PRL: variants seen among roughly 807,000 people sequenced by gnomAD.
PRL encodes decidual prolactin.
In PRL, 24 loss-of-function variants were observed where a neutral mutation model predicts 21.3. That is an observed-to-expected ratio of 1.13 (90% confidence interval 0.82 to 1.59). The LOEUF is 1.59. PRL is among the 40% of genes most tolerant of loss of function. The pLI is 0.00. For synonymous variants in PRL, 118 were observed against 115.7 expected (o/e 1.02, Z -0.13); for missense variants, 243 against 286.9 (o/e 0.85, Z 1.10).
intron 1 of PRL, among the ~76,000 whole-genome samples, chr6:22,295,147 T>A (rs369490486): frequency 1.3e-5 from 2 of 152,246 alleles, no homozygotes; most frequent in Non-Finnish European, 2.9e-5. Context: ...AGTTTAGATC[T>A]GCTAACTCGT....
rs541877120 is a variant in PRL, at chr6:22,293,902, C to G, written c.204+507G>C. On this transcript the variant is annotated intron_variant, in intron 2 of 4. Coordinates refer to ENST00000306482, the MANE Select transcript of PRL (RefSeq NM_000948.6). ...ATTATAAACCCATATACTGAAATCT[C>G]AGAGAAATGATTTCTAGCATTTTGG... 2.6e-5 allele frequency among the ~76,000 whole-genome samples: 4 copies of G among 152,290 alleles called. No homozygotes were observed. In the East Asian group the frequency reaches 7.7e-4, roughly 29 times the overall value.
At chr6:22,292,084 G>A (rs1376480084) in intron 3 of PRL, among the ~76,000 whole-genome samples, 2 of 152,212 alleles carry the variant, frequency 1.3e-5, no homozygotes, top group Non-Finnish European at 2.9e-5. Context: ...AACCAGAGTA[G>A]AGTCTTGAAA....
chr6:22,299,540 A>G (rs1761244223), upstream of PRL, among the ~76,000 whole-genome samples: 1 of 152,204 alleles, frequency 6.6e-6, no homozygotes. Context: ...GAAGCAAAGT[A>G]TATTTAAAAT....
chr6:22,294,645 T>A, intron 1 of PRL, 61 bp from the exon 2 acceptor site: 2 of 1,464,640 alleles, frequency 1.4e-6, no homozygotes, highest in African/African-American at 1.4e-5. Context: ...TTTTCAGAAG[T>A]AATCCTGCCG....
intron 2 of PRL, among the ~76,000 whole-genome samples, chr6:22,292,933 T>C (rs544424966): frequency 6.6e-6 from 1 of 152,328 alleles, no homozygotes; most frequent in African/African-American, 2.4e-5. Flanking sequence ...CGAGTTGCTA[T>C]TTGGAAAGCA....
intron 2 of PRL, among the ~76,000 whole-genome samples, chr6:22,293,360 T>A (rs1356543255): frequency 2.0e-5 from 3 of 152,166 alleles, no homozygotes; most frequent in African/African-American, 7.2e-5. Flanking sequence ...CTAGGAAGAT[T>A]TGGAAGACAA....
upstream of PRL, among the ~76,000 whole-genome samples, chr6:22,301,165 G>A (rs1761274922): frequency 6.6e-6 from 1 of 152,320 alleles, no homozygotes; most frequent in African/African-American, 2.4e-5. Context: ...ATGGAAAGTA[G>A]AGCTGAAGCA....
intron 4 of PRL, 143 bp from the exon 5 acceptor site, chr6:22,287,736 G>T: frequency 2.7e-6 from 2 of 734,634 alleles, no homozygotes; most frequent in Non-Finnish European, 4.1e-6. Context: ...TGTATATCTG[G>T]GCCAGTGTAT....
intron 1 of PRL, among the ~76,000 whole-genome samples, chr6:22,295,816 A>C (rs956580177): frequency 6.6e-6 from 1 of 152,220 alleles, no homozygotes; most frequent in Non-Finnish European, 1.5e-5. Context: ...TAAGAAATGC[A>C]ATCAGAAATG....
At chr6:22,287,919 G>A (rs1010700444) in intron 4 of PRL, among the ~76,000 whole-genome samples, 9 of 152,046 alleles carry the variant, frequency 5.9e-5, no homozygotes, top group African/African-American at 2.2e-4. Flanking sequence ...AGCTAGCTTC[G>A]GTGCTCTCAC....
At position 22,294,526 on chromosome 6, in the gene PRL, C is replaced by A. The variant is rs1274821293; in HGVS notation, c.87G>T (p.Leu29Phe). Residue 29 changes from leucine to phenylalanine, a missense_variant, in exon 2 of 5, where the codon TTG becomes TTT. Leu to Phe is a conservative substitution (Grantham distance 22). Coordinates refer to ENST00000306482, the MANE Select transcript of PRL (RefSeq NM_000948.6). ...GGGCAGCCCCGCCGGGACAGATGGGCAAGGGGGCCACGCTCTGGCACAGGA... is the reference window on the plus strand; with the variant it reads ...GGGCAGCCCCGCCGGGACAGATGGGAAAGGGGGCCACGCTCTGGCACAGGA... Reference protein sequence around the residue: ...NLLLCQSVAPLPICPGGAARC... With the variant: ...NLLLCQSVAPFPICPGGAARC... 1 of 1,613,834 alleles carries A rather than the reference C, an allele frequency of 6.2e-7. No homozygotes were observed. The highest frequency in any genetic ancestry group is 1.3e-5 in the African/African-American group (1 of 75,046).
upstream of PRL, among the ~76,000 whole-genome samples, chr6:22,301,705 C>A (rs1416235023): frequency 6.6e-6 from 1 of 152,166 alleles, no homozygotes; most frequent in African/African-American, 2.4e-5. Context: ...TCCTCCAATA[C>A]ATTTTTGTTA....
intron 1 of PRL, among the ~76,000 whole-genome samples, chr6:22,294,932 G>A (rs1201389569): frequency 6.6e-6 from 1 of 152,096 alleles, no homozygotes; most frequent in Non-Finnish European, 1.5e-5. Context: ...AGTTTCTGCA[G>A]ATTTTCAGCA....
At chr6:22,290,699 T>C (rs1349499307) in intron 3 of PRL, among the ~76,000 whole-genome samples, 1 of 152,188 alleles carries the variant, frequency 6.6e-6, no homozygotes, top group Non-Finnish European at 1.5e-5. Context: ...GGGGAGAAAC[T>C]AAAGTTTTGC....
chr6:22,299,704 T>C (rs967259907), upstream of PRL, among the ~76,000 whole-genome samples: 5 of 152,090 alleles, frequency 3.3e-5, no homozygotes, highest in African/African-American at 1.2e-4. Context: ...CTAGGCGTGG[T>C]GGCAGGCGCC....
At position 22,287,519 on chromosome 6, in the gene PRL, TTCA is replaced by T; in HGVS notation, c.564_566del (p.Asp188del). 1.2e-6 allele frequency: 2 copies of T among 1,614,136 alleles called. No homozygotes were observed. Among genetic ancestry groups the T allele is most frequent in the South Asian group, 2.2e-5 (2 of 91,078 alleles). ...TATAATAAGCAGAAAGGCGAGACTCTTCATCAGCCATCTGCAGGGATGGAAGTC... is the reference window on the plus strand; with the variant it reads ...TATAATAAGCAGAAAGGCGAGACTCTTCAGCCATCTGCAGGGATGGAAGTC... On this transcript the variant is annotated inframe_deletion, in exon 5 of 5. Coordinates refer to ENST00000306482, the MANE Select transcript of PRL (RefSeq NM_000948.6).
chr6:22,288,088 T>C lies in PRL; in HGVS notation c.493-495A>G, dbSNP rs984477544. On this transcript the variant is annotated intron_variant, in intron 4 of 4. Coordinates refer to ENST00000306482, the MANE Select transcript of PRL (RefSeq NM_000948.6). This position sits in a 1 kb window ranked among gnomAD's most constrained non-coding sequence, Gnocchi z 4.5. ...AAAAAGATGAAGATTGTACTCACAC[T>C]TGATGCTTTGGGGTACAGATAATTT... Among the ~76,000 whole-genome samples, 2 of 152,202 alleles carry C rather than the reference T, an allele frequency of 1.3e-5. No homozygotes were observed. Among genetic ancestry groups the C allele is most frequent in the Non-Finnish European group, 2.9e-5 (2 of 68,036 alleles).
chr6:22,292,519 G>T lies in PRL; in HGVS notation c.312+19C>A, dbSNP rs756082495. ...ACTGCCTTGGTTGTTTTGGTGCAAA[G>T]CCTGGATGAAGGACTCACATTCATC... is the stretch of plus-strand genomic sequence containing the variant. On this transcript the variant is annotated intron_variant, in intron 3 of 4. Coordinates refer to ENST00000306482, the MANE Select transcript of PRL (RefSeq NM_000948.6). 6.8e-6 allele frequency: 11 copies of T among 1,606,452 alleles called. No homozygotes were observed. Among genetic ancestry groups the T allele is most frequent in the East Asian group, 2.2e-5 (1 of 44,824 alleles).
chr6:22,294,365 T>C (rs755038636), intron 2 of PRL, 44 bp downstream of exon 2: 18 of 1,608,844 alleles, frequency 1.1e-5, no homozygotes, highest in Non-Finnish European at 1.4e-5. Context: ...CAGTAGTTCA[T>C]GTGAAGGCTC....
Sources: gnomAD v4.1 joint callset for allele counts (sites outside exome capture counted in the v4.1 genomes callset) on GRCh38, gnomAD v4.1.1 for gene constraint, Gnocchi (gnomAD v3.1) non-coding constraint, MANE v1.5 for transcripts, NCBI Gene and HGNC (gene_info 2026-07-23, HGNC 2026-07-21) for gene names.